Variants in GRIN2A observed in about 807,000 individuals in gnomAD.
GRIN2A encodes the protein glutamate ionotropic receptor NMDA type subunit 2A, also known as glutamate receptor ionotropic, NMDA 2A.
GRIN2A carries 22 observed loss-of-function variants against 113.4 expected under a neutral mutation model. The observed-to-expected ratio is 0.19, with a 90% CI of 0.14 to 0.28. GRIN2A has a LOEUF of 0.28. Ranked by LOEUF, GRIN2A falls within the 10% of genes least tolerant of loss-of-function variation. The pLI, the probability that GRIN2A is intolerant of heterozygous loss-of-function variation, is 1.00. For missense variants in GRIN2A, 1,502 were observed against 1,887.0 expected, an observed-to-expected ratio of 0.80 and a Z score of 3.78; for synonymous variants, 827 against 738.4, an observed-to-expected ratio of 1.12 and a Z score of -1.94.
At chr16:9,804,014 CA>C (rs1235533784) in intron 10 of GRIN2A, among the ~76,000 whole-genome samples, 2 of 152,148 alleles carry the variant, frequency 1.3e-5, no homozygotes, top group East Asian at 3.9e-4. Flanking sequence ...GTCTCGTTCC[CA>C]ACAGCCACAG....
intron 2 of GRIN2A, among the ~76,000 whole-genome samples, chr16:10,058,489 T>A (rs1358602917): frequency 6.6e-6 from 1 of 152,134 alleles, no homozygotes; most frequent in Non-Finnish European, 1.5e-5. Flanking sequence ...AGTAAATAAT[T>A]CTGAAATATC....
chr16:9,979,986 A>T (rs2045860757), intron 2 of GRIN2A, among the ~76,000 whole-genome samples: 1 of 151,692 alleles, frequency 6.6e-6, no homozygotes, highest in South Asian at 2.1e-4. Flanking sequence ...TAGTCCAGAC[A>T]TGGTAGCTCA....
chr16:9,798,190 A>T, intron 11 of GRIN2A, 87 bp downstream of exon 11: 1 of 1,056,632 alleles, frequency 9.5e-7, no homozygotes, highest in Non-Finnish European at 1.5e-6. Context: ...CTCATCATGC[A>T]AAGATCCACT....
intron 2 of GRIN2A, among the ~76,000 whole-genome samples, chr16:10,047,013 C>G: frequency 6.6e-6 from 1 of 152,188 alleles, no homozygotes; most frequent in Non-Finnish European, 1.5e-5. Context: ...CACCCCTGGA[C>G]TCTACCCTCC....
intron 2 of GRIN2A, among the ~76,000 whole-genome samples, chr16:10,102,975 C>CTA (rs2048428786): frequency 6.6e-6 from 1 of 152,208 alleles, no homozygotes; most frequent in Admixed American, 6.5e-5. Context: ...TAACAAGCAT[C>CTA]TATTGTCTGC....
intron 2 of GRIN2A, among the ~76,000 whole-genome samples, chr16:10,055,244 T>C (rs910939085): frequency 3.3e-5 from 5 of 151,962 alleles, no homozygotes; most frequent in Non-Finnish European, 5.9e-5. Flanking sequence ...AGTGGTTTCC[T>C]CTGAGGAAGG....
intron 2 of GRIN2A, among the ~76,000 whole-genome samples, chr16:10,163,611 C>A (rs1476697539): frequency 6.6e-6 from 1 of 151,620 alleles, no homozygotes; most frequent in East Asian, 1.9e-4. Flanking sequence ...GTGCCCCCTG[C>A]CACTCAGCCC....
chr16:9,975,955 A>G (rs990218830), intron 2 of GRIN2A, among the ~76,000 whole-genome samples: 1 of 152,222 alleles, frequency 6.6e-6, no homozygotes, highest in Non-Finnish European at 1.5e-5. Context: ...CATCAGAAAG[A>G]TATAATAACC....
chr16:10,149,825 TGTTCAG>T (rs1474939372), intron 2 of GRIN2A, among the ~76,000 whole-genome samples: 1 of 152,254 alleles, frequency 6.6e-6, no homozygotes, highest in African/African-American at 2.4e-5. Context: ...GTCAATCCTT[TGTTCAG>T]ACCCCTCCAG....
At chr16:9,926,204 A>T (rs1342523086) in intron 3 of GRIN2A, among the ~76,000 whole-genome samples, 1 of 152,200 alleles carries the variant, frequency 6.6e-6, no homozygotes, top group Non-Finnish European at 1.5e-5. Context: ...CTCACCTGTA[A>T]GTTGAACCAA....
chr16:9,961,493 A>G lies in GRIN2A; in HGVS notation c.415-22942T>C, dbSNP rs1390044840. Among the ~76,000 whole-genome samples, 5 of 152,256 alleles carry G rather than the reference A, an allele frequency of 3.3e-5. No individual in the cohort carries two copies. In the East Asian group the frequency reaches 7.7e-4, roughly 23 times the overall value. ...AACAGAACAGAATGGAAATTTTATA[A>G]AAGTTCAAGAACAAGCAAAACTAAT... On this transcript the variant is annotated intron_variant, in intron 2 of 12. Coordinates refer to ENST00000330684, the MANE Select transcript of GRIN2A (RefSeq NM_001134407.3).
chr16:9,933,938 C>T (rs953007707), intron 3 of GRIN2A, among the ~76,000 whole-genome samples: 8 of 152,170 alleles, frequency 5.3e-5, no homozygotes, highest in South Asian at 4.1e-4. Context: ...ATTGGGAATA[C>T]GGTTGCACAT....
At chr16:10,088,762 A>C (rs187512801) in intron 2 of GRIN2A, among the ~76,000 whole-genome samples, 190 of 152,284 alleles carry the variant, frequency 1.2e-3, no homozygotes, top group Non-Finnish European at 1.8e-3. Flanking sequence ...AGTCAGCAGC[A>C]CTGGAGTCCA....
At chr16:9,939,374 G>A (rs2044801896) in intron 2 of GRIN2A, among the ~76,000 whole-genome samples, 1 of 152,162 alleles carries the variant, frequency 6.6e-6, no homozygotes, top group African/African-American at 2.4e-5. Flanking sequence ...ATACGATGTT[G>A]AAGAGCTTGG....
intron 10 of GRIN2A, among the ~76,000 whole-genome samples, chr16:9,810,130 G>T (rs1464539396): frequency 6.6e-6 from 1 of 152,120 alleles, no homozygotes; most frequent in Non-Finnish European, 1.5e-5. Flanking sequence ...AGGAGGCAGG[G>T]GATAGGGAAG....
chr16:9,932,451 C>G (rs2044615999), intron 3 of GRIN2A, among the ~76,000 whole-genome samples: 1 of 152,136 alleles, frequency 6.6e-6, no homozygotes, highest in Admixed American at 6.5e-5. Context: ...TCTCAGCTCA[C>G]TGCAACCTCC....
At chr16:9,767,445 G>C (rs1900987355) in intron 12 of GRIN2A, among the ~76,000 whole-genome samples, 1 of 151,956 alleles carries the variant, frequency 6.6e-6, no homozygotes. Context: ...GGGTACATGT[G>C]CACAACGTGC....
intron 2 of GRIN2A, among the ~76,000 whole-genome samples, chr16:9,989,409 A>C (rs1041850763): frequency 2.4e-4 from 32 of 133,482 alleles, no homozygotes; most frequent in Admixed American, 1.9e-3. Flanking sequence ...TTAAAGACTT[A>C]AATGTAAGAC....
At chr16:9,856,603 TGACAGAGTGA>T (rs2042973099) in intron 4 of GRIN2A, among the ~76,000 whole-genome samples, 1 of 138,732 alleles carries the variant, frequency 7.2e-6, no homozygotes, top group Non-Finnish European at 1.5e-5. Context: ...CCAGCCTGGG[TGACAGAGTGA>T]GACTCCATCT....
Sources: allele counts gnomAD v4.1 joint callset (sites outside exome capture counted in the v4.1 genomes callset), GRCh38; gene constraint gnomAD v4.1.1; transcripts MANE v1.5; gene names NCBI Gene and HGNC (gene_info 2026-07-23, HGNC 2026-07-21).